Variants in ZZZ3 observed in about 807,000 individuals in gnomAD.
The protein encoded by ZZZ3 is zinc finger ZZ-type containing 3, also known as ZZ-type zinc finger-containing protein 3.
ZZZ3 carries 22 observed loss-of-function variants against 95.2 expected under a neutral mutation model. The observed-to-expected ratio is 0.23, with a 90% CI of 0.17 to 0.33. The LOEUF (loss-of-function observed/expected upper bound fraction) is 0.33. Ranked by LOEUF, ZZZ3 falls within the 10% of genes least tolerant of loss-of-function variation. The pLI is 1.00. For synonymous variants in ZZZ3, 335 were observed against 358.9 expected (o/e 0.93, Z 0.75); for missense variants, 885 against 1,066.5 (o/e 0.83, Z 2.37).
intron 5 of ZZZ3, among the ~76,000 whole-genome samples, chr1:77,604,936 G>A (rs1271814216): frequency 6.6e-6 from 1 of 151,982 alleles, no homozygotes; most frequent in African/African-American, 2.4e-5. Flanking sequence ...GTTTCACTTA[G>A]AAGATTTTGA....
intron 5 of ZZZ3, among the ~76,000 whole-genome samples, chr1:77,595,575 A>AT (rs1664138053): frequency 6.6e-6 from 1 of 152,158 alleles, no homozygotes. Context: ...GCATCTATAT[A>AT]TTTTTTAAAA....
chr1:77,678,199 A>G (rs1672438954), intron 1 of ZZZ3, among the ~76,000 whole-genome samples: 1 of 152,216 alleles, frequency 6.6e-6, no homozygotes, highest in Non-Finnish European at 1.5e-5. Flanking sequence ...CAAATGTGCT[A>G]ATCTTTAGGC....
chr1:77,602,524 C>T lies in ZZZ3; in HGVS notation c.1506-17869G>A, dbSNP rs529595528. 5.9e-5 allele frequency among the ~76,000 whole-genome samples: 9 copies of T among 151,774 alleles called. No homozygotes were observed. The South Asian group carries it at 1.7e-3, about 28-fold the overall frequency. ...CCTAAATCATAATGCCAGTGACCAA[C>T]CAGAATTTCAATTATCATTAAGAAC... On this transcript the variant is annotated intron_variant, in intron 5 of 14. Transcript: ENST00000370801.
chr1:77,641,473 T>C (rs1668771202), intron 2 of ZZZ3, 27 bp from the exon 3 acceptor site: 1 of 397,852 alleles, frequency 2.5e-6, no homozygotes, highest in African/African-American at 2.1e-5. Flanking sequence ...AATCAATTAC[T>C]TCTAACTAAA....
chr1:77,620,133 G>C (rs142189972), intron 5 of ZZZ3, among the ~76,000 whole-genome samples: 2 of 152,228 alleles, frequency 1.3e-5, no homozygotes, highest in African/African-American at 4.8e-5. Flanking sequence ...ATTCAGAAAG[G>C]CTTTGTAGAA....
intron 1 of ZZZ3, among the ~76,000 whole-genome samples, chr1:77,659,152 A>AG (rs1670556464): frequency 6.6e-6 from 1 of 152,054 alleles, no homozygotes; most frequent in African/African-American, 2.4e-5. Context: ...TGGGAGGCGG[A>AG]GGTTGCGGTG....
intron 5 of ZZZ3, among the ~76,000 whole-genome samples, chr1:77,598,414 G>A (rs927469682): frequency 3.3e-5 from 5 of 152,092 alleles, no homozygotes; most frequent in Non-Finnish European, 7.4e-5. Flanking sequence ...TGTTCCAGGG[G>A]TGTCAGATGC....
chr1:77,601,149 G>C (rs1051138916), intron 5 of ZZZ3, among the ~76,000 whole-genome samples: 1 of 152,154 alleles, frequency 6.6e-6, no homozygotes, highest in African/African-American at 2.4e-5. Flanking sequence ...TGAGAGCTTT[G>C]TAAGATAGGC....
intron 1 of ZZZ3, among the ~76,000 whole-genome samples, chr1:77,672,042 G>T (rs926651180): frequency 6.6e-6 from 1 of 152,156 alleles, no homozygotes; most frequent in Admixed American, 6.5e-5. Context: ...ATTTCATCAG[G>T]ATACTCAAAA....
chr1:77,572,335 TTTTTG>T (rs901768703), intron 12 of ZZZ3, among the ~76,000 whole-genome samples: 5 of 152,150 alleles, frequency 3.3e-5, no homozygotes, highest in Non-Finnish European at 4.4e-5. Flanking sequence ...GTTTTGGGTT[TTTTTG>T]TTTTGTTTTG....
chr1:77,656,799 A>C (rs1670307613), intron 1 of ZZZ3, among the ~76,000 whole-genome samples: 1 of 152,196 alleles, frequency 6.6e-6, no homozygotes, highest in South Asian at 2.1e-4. Context: ...CCTAAGTGCC[A>C]TAACAGATCA....
chr1:77,614,257 G>A (rs867041445), intron 5 of ZZZ3, among the ~76,000 whole-genome samples: 2 of 152,098 alleles, frequency 1.3e-5, no homozygotes, highest in African/African-American at 2.4e-5. Context: ...CTCCTAAGCC[G>A]ACTCTAGTGG....
intron 11 of ZZZ3, among the ~76,000 whole-genome samples, chr1:77,576,770 A>C (rs1661997783): frequency 6.5e-5 from 2 of 30,822 alleles, no homozygotes; most frequent in South Asian, 1.5e-3. Context: ...AAAAAAAAAC[A>C]AAAAAACAAC....
rs764520869 is a variant in ZZZ3 at position 77,580,990 on chromosome 1, T to C, written c.1980+8A>G. The C allele has an allele frequency of 1.3e-5, 21 of 1,612,420 alleles. No individual in the cohort carries two copies. Among genetic ancestry groups the C allele is most frequent in the Non-Finnish European group, 1.7e-5 (20 of 1,178,418 alleles). On this transcript the variant is annotated splice_region_variant and intron_variant, in intron 9 of 14. Coordinates refer to ENST00000370801, the MANE Select transcript of ZZZ3 (RefSeq NM_015534.6). ...TTTAAGCCTACACGATTTTGAAATA[T>C]TTATTACCTGTTCTTCAACAGTCCA...
chr1:77,637,403 T>G (rs2100878884), intron 4 of ZZZ3, among the ~76,000 whole-genome samples: 1 of 152,320 alleles, frequency 6.6e-6, no homozygotes, highest in Admixed American at 6.5e-5. Context: ...GATCATTTTT[T>G]TCTGTTCTAA....
At chr1:77,683,195 TTCCCTCCCCCTTCATTC>T (rs1486293264), upstream of ZZZ3, 1 of 68,532 alleles carries the variant, frequency 1.5e-5, no homozygotes, top group Non-Finnish European at 2.8e-5. Flanking sequence ...CCCACCCCCA[TTCCCTCCCCCTTCATTC>T]TCCCTCCCCC....
At chr1:77,578,619 C>T (rs1399493571) in intron 11 of ZZZ3, among the ~76,000 whole-genome samples, 155 bp downstream of exon 11, 1 of 152,120 alleles carries the variant, frequency 6.6e-6, no homozygotes, top group African/African-American at 2.4e-5. Context: ...ATAATGGAGT[C>T]CTTACCCTCC....
chr1:77,640,613 A>C (rs1385077634), intron 3 of ZZZ3, among the ~76,000 whole-genome samples: 2 of 151,992 alleles, frequency 1.3e-5, no homozygotes, highest in Non-Finnish European at 2.9e-5. Context: ...AAAAAAAAAA[A>C]AAAAGAGAGA....
rs1668778952 is a variant in ZZZ3 at position 77,641,570 on chromosome 1, T to A, written c.-317A>T. The A allele has an allele frequency of 5.0e-6, 2 of 398,290 alleles. No homozygotes were observed. The highest frequency in any genetic ancestry group is 7.1e-5 in the East Asian group (2 of 27,992). The allele number at this position is 398,290 out of a possible 1,614,324, so 24.7% of individuals were successfully genotyped here. A position where few individuals can be genotyped will look rare whatever the true frequency, so the allele number is the denominator to read the frequency against. On this transcript the variant is annotated 5_prime_UTR_variant, in exon 2 of 15. The change creates a premature stop within an existing upstream ORF in the 5' untranslated region. Transcript: ENST00000370801. ...TATTTGATCCCCATGCGTCTGTATT[T>A]ATCTGTCATCACTGTTAATTGTCCA...
Sources: gnomAD v4.1 joint callset for allele counts (sites outside exome capture counted in the v4.1 genomes callset) on GRCh38, gnomAD v4.1.1 for gene constraint, MANE v1.5 for transcripts, NCBI Gene and HGNC (gene_info 2026-07-23, HGNC 2026-07-21) for gene names.